The following PALLD variants were observed in gnomAD, a reference collection of about 807,000 sequenced individuals.
The protein encoded by PALLD is palladin.
Under a neutral mutation model 123.5 loss-of-function variants are expected in PALLD, and 61 were observed. That is an observed-to-expected ratio of 0.49 (90% CI 0.40 to 0.61). The LOEUF is 0.61. Among genes scored for constraint, PALLD ranks in the 20% least tolerant of loss-of-function variants. The pLI is 0.00. For synonymous variants in PALLD, 465 were observed against 496.4 expected (o/e 0.94, Z 0.84); for missense variants, 1,273 against 1,377.0 (o/e 0.92, Z 1.20).
intron 2 of PALLD, among the ~76,000 whole-genome samples, chr4:168,568,146 G>A (rs1349983891): frequency 6.6e-6 from 1 of 151,750 alleles, no homozygotes; most frequent in African/African-American, 2.4e-5. Flanking sequence ...TAGTTTATTA[G>A]TTTTTATTTC....
intron 10 of PALLD, among the ~76,000 whole-genome samples, chr4:168,845,811 C>T (rs1746759545): frequency 6.6e-6 from 1 of 152,176 alleles, no homozygotes; most frequent in African/African-American, 2.4e-5. Flanking sequence ...AGTAAAGCCA[C>T]GGTTTTAAAT....
chr4:168,902,442 CCTAT>C (rs757127753), intron 14 of PALLD, among the ~76,000 whole-genome samples: 14 of 152,100 alleles, frequency 9.2e-5, no homozygotes, highest in Non-Finnish European at 1.9e-4. Context: ...TTATGATGGG[CCTAT>C]CTTTCAACTG....
intron 2 of PALLD, among the ~76,000 whole-genome samples, chr4:168,513,834 G>T (rs1348082192): frequency 6.6e-6 from 1 of 152,216 alleles, no homozygotes; most frequent in African/African-American, 2.4e-5. Context: ...GCCAGGCACA[G>T]TGGCTCATGC....
intron 10 of PALLD, among the ~76,000 whole-genome samples, chr4:168,795,230 C>T (rs750656378): frequency 2.0e-4 from 30 of 152,158 alleles, no homozygotes; most frequent in Non-Finnish European, 7.3e-5. Flanking sequence ...AATGTCTGCA[C>T]TATATATAGC....
rs116133384 is a variant in PALLD, at chr4:168,690,729, C to T, written c.1462C>T (p.Arg488Ter). The change falls in exon 7 of 22, where the codon CGA becomes TGA. Residue 488 changes from arginine (R) to a stop codon, truncating the protein, a stop_gained. Transcript: ENST00000505667. LOFTEE classifies it high-confidence loss of function. ...TGAAATCCAAGACTCTCCAGATTTC[C>T]GAATTCTACAGAAAAGTAAGGAGAA... ...GSEIQDSPDF[R>*]ILQKKPRSTA... 6 of 1,614,064 alleles carry T rather than the reference C, an allele frequency of 3.7e-6. No individual in the cohort carries two copies. Among genetic ancestry groups the T allele is most frequent in the African/African-American group, 1.3e-5 (1 of 74,994 alleles).
chr4:168,849,311 T>A (rs949037710), intron 10 of PALLD, among the ~76,000 whole-genome samples: 3 of 152,228 alleles, frequency 2.0e-5, no homozygotes, highest in Non-Finnish European at 4.4e-5. Flanking sequence ...GTTGTTTGGA[T>A]GTTTTGTTGT....
chr4:168,812,138 G>A (rs1365683772), intron 10 of PALLD, among the ~76,000 whole-genome samples: 1 of 152,116 alleles, frequency 6.6e-6, no homozygotes, highest in Non-Finnish European at 1.5e-5. Context: ...TTAATAAATG[G>A]CTTTATAAAA....
At chr4:168,611,160 G>A (rs1193922435) in intron 2 of PALLD, among the ~76,000 whole-genome samples, 2 of 152,096 alleles carry the variant, frequency 1.3e-5, no homozygotes. Flanking sequence ...AAACGGAGTT[G>A]TTTTCTGGTT....
intron 2 of PALLD, among the ~76,000 whole-genome samples, chr4:168,583,740 A>G (rs1770525496): frequency 6.6e-6 from 1 of 152,174 alleles, no homozygotes; most frequent in Non-Finnish European, 1.5e-5. Flanking sequence ...ATCTGTGATA[A>G]TATTTTTCTT....
Position 168,840,149 on chromosome 4 carries a change from AAATG to A in PALLD, c.1965-50769_1965-50766del, listed in dbSNP as rs561472937. 5.9e-3 allele frequency among the ~76,000 whole-genome samples: 894 copies of A among 152,284 alleles called. 7 individuals carry two copies. Among genetic ancestry groups the A allele is most frequent in the African/African-American group, 0.02 (845 of 41,550 alleles). On this transcript the variant is annotated intron_variant, in intron 10 of 21. Transcript: ENST00000505667. ...CTATTTTTGGCTCTATTAAGAGACA[AAATG>A]AATCCAAATGTATTCCATACTTCTC...
intron 10 of PALLD, among the ~76,000 whole-genome samples, chr4:168,771,085 A>AAAAAC (rs1195167673): frequency 2.0e-5 from 3 of 149,604 alleles, no homozygotes; most frequent in Admixed American, 6.6e-5. Context: ...ACAAAAAAAA[A>AAAAAC]ACCTTAGTTT....
At chr4:168,627,181 T>C (rs907545733) in intron 2 of PALLD, among the ~76,000 whole-genome samples, 1 of 152,162 alleles carries the variant, frequency 6.6e-6, no homozygotes, top group Non-Finnish European at 1.5e-5. Flanking sequence ...GCAAGATCCA[T>C]ACCTTAATAC....
At chr4:168,926,188 C>CTTAAT in intron 21 of PALLD, 25 bp from the exon 22 acceptor site, 1 of 1,489,570 alleles carries the variant, frequency 6.7e-7, no homozygotes, top group Non-Finnish European at 8.9e-7. Context: ...GATTAAAAAT[C>CTTAAT]TTAATTTACT....
chr4:168,676,469 G>A (rs1290282942), intron 3 of PALLD, among the ~76,000 whole-genome samples: 1 of 150,830 alleles, frequency 6.6e-6, no homozygotes, highest in African/African-American at 2.4e-5. Flanking sequence ...CCATGACTCA[G>A]TTCAGTAAAG....
At chr4:168,877,785 G>C (rs899933747) in intron 10 of PALLD, 2 of 1,209,636 alleles carry the variant, frequency 1.7e-6, no homozygotes, top group Non-Finnish European at 2.1e-6. Context: ...GCCGGCGCTC[G>C]GCAGCCTCCG....
rs1762721573 is a variant in PALLD at position 168,927,592 on chromosome 4, A to G, written c.*1412A>G. ...AGACAAAAACAGGTTTGTGCCATAA[A>G]GTATTTTTTCAAAGACACCAAGATG... On this transcript the variant is annotated 3_prime_UTR_variant, in exon 22 of 22. Coordinates refer to ENST00000505667, the MANE Select transcript of PALLD (RefSeq NM_001166108.2). 4.4e-6 allele frequency: 1 copy of G among 229,370 alleles called. No homozygotes were observed. Among genetic ancestry groups the G allele is most frequent in the African/African-American group, 2.2e-5 (1 of 45,134 alleles). 14.2% of individuals were successfully genotyped at this position (229,370 alleles called of 1,614,324 possible).
rs560850289 is a variant in PALLD, at chr4:168,643,686, C to A, written c.909-24504C>A. On this transcript the variant is annotated intron_variant, in intron 2 of 21. Transcript: ENST00000505667. ...GCTCCAGAGAACTCCCATTTATGAC[C>A]GCAGGTGACCTAGCAAAAACTGGGA... is the stretch of plus-strand genomic sequence containing the variant. Among the ~76,000 whole-genome samples, 319 of 152,262 alleles carry A rather than the reference C, an allele frequency of 2.1e-3. 1 individual carries two copies. The highest frequency in any genetic ancestry group is 7.2e-3 in the Admixed American group (110 of 15,296).
chr4:168,626,051 C>T (rs1293824876), intron 2 of PALLD, among the ~76,000 whole-genome samples: 2 of 151,960 alleles, frequency 1.3e-5, no homozygotes, highest in Non-Finnish European at 2.9e-5. Flanking sequence ...ATCACGAGGT[C>T]AGGAGATCGA....
At chr4:168,586,727 C>G (rs945111481) in intron 2 of PALLD, among the ~76,000 whole-genome samples, 12 of 152,132 alleles carry the variant, frequency 7.9e-5, no homozygotes, top group African/African-American at 2.9e-4. Context: ...CCAGGGCACT[C>G]TGGACATCCA....
Sources: gnomAD v4.1 joint callset for allele counts (sites outside exome capture counted in the v4.1 genomes callset) on GRCh38, gnomAD v4.1.1 for gene constraint, MANE v1.5 for transcripts, NCBI Gene and HGNC (gene_info 2026-07-23, HGNC 2026-07-21) for gene names.